Variants in SYNPR observed in about 807,000 individuals in gnomAD.
The protein encoded by SYNPR is synaptoporin.
SYNPR carries 23 observed loss-of-function variants against 32.9 expected under a neutral mutation model. That is an observed-to-expected ratio of 0.70 (90% CI 0.50 to 0.99). The LOEUF is 0.99. Among genes scored for constraint, SYNPR ranks in the 50% least tolerant of loss-of-function variants. SYNPR has a pLI of 0.00. For missense variants in SYNPR, 318 were observed against 349.3 expected (o/e 0.91, Z 0.71); for synonymous variants, 146 against 135.9 (o/e 1.07, Z -0.52).
intron 3 of SYNPR, among the ~76,000 whole-genome samples, chr3:63,514,418 C>A (rs758523684): frequency 6.6e-6 from 1 of 152,076 alleles, no homozygotes; most frequent in Non-Finnish European, 1.5e-5. Context: ...GAAATCTCTG[C>A]CTGTTGTCCC....
intron 2 of SYNPR, among the ~76,000 whole-genome samples, chr3:63,316,055 A>G (rs7614887): frequency 0.31 from 46,898 of 151,928 alleles, 7,999 homozygotes; most frequent in Non-Finnish European, 0.39. Flanking sequence ...TGACTTGCAT[A>G]TGTTAAACCA....
At chr3:63,438,992 C>T (rs1283249341) in intron 2 of SYNPR, among the ~76,000 whole-genome samples, 1 of 152,080 alleles carries the variant, frequency 6.6e-6, no homozygotes, top group African/African-American at 2.4e-5. Flanking sequence ...GAAAGCTAGG[C>T]CTCCCACTGG....
intron 4 of SYNPR, among the ~76,000 whole-genome samples, chr3:63,559,750 T>A (rs1702654008): frequency 6.6e-6 from 1 of 152,086 alleles, no homozygotes; most frequent in Admixed American, 6.5e-5. Context: ...TCTAAATGAT[T>A]TCAAAATATC....
chr3:63,333,799 C>T (rs1195266579), intron 2 of SYNPR, among the ~76,000 whole-genome samples: 2 of 152,128 alleles, frequency 1.3e-5, no homozygotes, highest in Non-Finnish European at 2.9e-5. Context: ...AAATCTGCAA[C>T]CAAATTTTTT....
rs1205697395 is a variant in SYNPR, at chr3:63,616,116, C to T, written c.*635C>T. 2 of 152,222 alleles carry T rather than the reference C, an allele frequency of 1.3e-5. No individual in the cohort carries two copies. The highest frequency in any genetic ancestry group is 2.4e-5 in the African/African-American group (1 of 41,466). 9.4% of individuals were successfully genotyped at this position (152,222 alleles called of 1,614,324 possible). A position where few individuals can be genotyped will look rare whatever the true frequency, so the allele number is the denominator to read the frequency against. On this transcript the variant is annotated 3_prime_UTR_variant, in exon 6 of 6. Transcript: ENST00000478300. ...ATGGATATTTATAGGAATATATTCA[C>T]TACTTTGTATACTTTGCAAATTTGT...
At chr3:63,320,173 A>G (rs1036070502) in intron 2 of SYNPR, among the ~76,000 whole-genome samples, 3 of 151,550 alleles carry the variant, frequency 2.0e-5, no homozygotes, top group Admixed American at 2.0e-4. Flanking sequence ...ATGGTCTAGA[A>G]CTCCTGGGCT....
At chr3:63,563,580 T>G (rs1702730948) in intron 4 of SYNPR, among the ~76,000 whole-genome samples, 1 of 152,136 alleles carries the variant, frequency 6.6e-6, no homozygotes, top group Non-Finnish European at 1.5e-5. Flanking sequence ...TCCTCTTCTC[T>G]CCTCTTTTCT....
chr3:63,367,189 A>G (rs1273853367), intron 2 of SYNPR, among the ~76,000 whole-genome samples: 2 of 152,154 alleles, frequency 1.3e-5, no homozygotes, highest in Non-Finnish European at 2.9e-5. Flanking sequence ...GGGGAAAGTA[A>G]GGAGTAATTT....
At chr3:63,526,362 T>A (rs969146668) in intron 3 of SYNPR, among the ~76,000 whole-genome samples, 2 of 152,338 alleles carry the variant, frequency 1.3e-5, no homozygotes, top group African/African-American at 2.4e-5. Flanking sequence ...CATTTATTGT[T>A]TAGCTGTTCA....
At chr3:63,242,188 T>G (rs1045454070) in intron 1 of SYNPR, among the ~76,000 whole-genome samples, 3 of 151,972 alleles carry the variant, frequency 2.0e-5, no homozygotes, top group Admixed American at 6.6e-5. Context: ...TTTCCAGAAA[T>G]GGAAAGCAAA....
chr3:63,243,375 G>C (rs6783471), intron 1 of SYNPR, among the ~76,000 whole-genome samples: 3 of 151,956 alleles, frequency 2.0e-5, no homozygotes, highest in African/African-American at 7.2e-5. Flanking sequence ...ACAAAAGACA[G>C]AGTCAACAAT....
rs4635701 is a variant in SYNPR, at chr3:63,573,352, A to G, written c.408+16611A>G. On this transcript the variant is annotated intron_variant, in intron 4 of 5. Coordinates refer to ENST00000478300, the MANE Select transcript of SYNPR (RefSeq NM_001130003.2). Reference sequence around the variant, plus strand: ...ACCTGTCCATTCTACATGGGAGCCAACCTCAGAACATTGTGAGGTTTCATC... The same window carrying G: ...ACCTGTCCATTCTACATGGGAGCCAGCCTCAGAACATTGTGAGGTTTCATC... Among the ~76,000 whole-genome samples, 1,430 of 152,062 alleles carry G rather than the reference A, an allele frequency of 9.4e-3. 22 individuals carry two copies. Among genetic ancestry groups the G allele is most frequent in the African/African-American group, 0.033 (1,377 of 41,486 alleles).
chr3:63,364,708 A>G lies in SYNPR; in HGVS notation c.84+85966A>G, dbSNP rs187187888. Among the ~76,000 whole-genome samples the G allele has an allele frequency of 3.6e-3, 542 of 152,260 alleles. 3 individuals carry two copies. The highest frequency in any genetic ancestry group is 0.012 in the African/African-American group (514 of 41,548). On this transcript the variant is annotated intron_variant, in intron 2 of 5. Transcript: ENST00000478300. Reference sequence around the variant, plus strand: ...GCCACCAACTACTTGTATTATTAAGACTTCTAGAAGTGGTTTGTATTTAGG... The same window carrying G: ...GCCACCAACTACTTGTATTATTAAGGCTTCTAGAAGTGGTTTGTATTTAGG...
intron 2 of SYNPR, among the ~76,000 whole-genome samples, chr3:63,291,275 T>C (rs1318708592): frequency 6.6e-6 from 1 of 152,178 alleles, no homozygotes; most frequent in Non-Finnish European, 1.5e-5. Context: ...TGGGTAAATG[T>C]CTTTATCTTT....
intron 4 of SYNPR, among the ~76,000 whole-genome samples, chr3:63,601,129 G>A (rs983885319): frequency 5.3e-5 from 8 of 152,106 alleles, no homozygotes; most frequent in Non-Finnish European, 8.8e-5. Context: ...AAAATTAGCC[G>A]GGCTTGGTGG....
chr3:63,305,741 C>T (rs971584319), intron 2 of SYNPR, among the ~76,000 whole-genome samples: 1 of 151,958 alleles, frequency 6.6e-6, no homozygotes, highest in Non-Finnish European at 1.5e-5. Flanking sequence ...AGAAACTCCG[C>T]CCCTGTCAAA....
intron 2 of SYNPR, among the ~76,000 whole-genome samples, chr3:63,361,750 G>T (rs1405420235): frequency 6.6e-6 from 1 of 151,890 alleles, no homozygotes; most frequent in East Asian, 1.9e-4. Flanking sequence ...TTATTATAGG[G>T]TGCTAATTAA....
the SYNPR span, among the ~76,000 whole-genome samples, chr3:63,221,582 A>G: frequency 6.6e-6 from 1 of 152,180 alleles, no homozygotes; most frequent in Non-Finnish European, 1.5e-5. Context: ...TGTACCTTCT[A>G]TGACCTTAAG....
chr3:63,480,764 T>C, intron 2 of SYNPR, 68 bp from the exon 3 acceptor site: 1 of 1,563,344 alleles, frequency 6.4e-7, no homozygotes, highest in Non-Finnish European at 8.7e-7. Context: ...TAAGCTCCTT[T>C]TGATATATCT....
Sources: gnomAD v4.1 joint callset for allele counts (sites outside exome capture counted in the v4.1 genomes callset) on GRCh38, gnomAD v4.1.1 for gene constraint, MANE v1.5 for transcripts, NCBI Gene and HGNC (gene_info 2026-07-23, HGNC 2026-07-21) for gene names.